FAM20C: variants seen among roughly 807,000 people sequenced by gnomAD.
The protein encoded by FAM20C is extracellular serine/threonine protein kinase FAM20C.
Under a neutral mutation model 51.5 loss-of-function variants are expected in FAM20C, and 40 were observed. The ratio of observed to expected loss-of-function variants is 0.78; its 90% CI spans 0.60 to 1.01. FAM20C has a LOEUF of 1.01. FAM20C is among the 50% of genes least tolerant of loss of function. FAM20C has a pLI of 0.00. For missense variants in FAM20C, 861 were observed against 844.7 expected, an observed-to-expected ratio of 1.02 and a Z score of -0.24; for synonymous variants, 406 against 380.6, an observed-to-expected ratio of 1.07 and a Z score of -0.78.
intron 3 of FAM20C, among the ~76,000 whole-genome samples, chr7:241,060 T>C (rs1034149535): frequency 7.0e-6 from 1 of 143,714 alleles, no homozygotes; most frequent in Non-Finnish European, 1.5e-5. Flanking sequence ...GGCCGGGGCT[T>C]ACGGGCTGGG....
chr7:217,560 G>A (rs966645298), intron 3 of FAM20C, among the ~76,000 whole-genome samples: 2 of 152,124 alleles, frequency 1.3e-5, no homozygotes, highest in African/African-American at 4.8e-5. Flanking sequence ...AGAATGCACT[G>A]GATGGCAGAC....
chr7:208,916 C>A lies in FAM20C; in HGVS notation c.803C>A (p.Thr268Lys). The A allele has an allele frequency of 1.9e-6, 3 of 1,579,486 alleles. No homozygotes were observed. Among genetic ancestry groups the A allele is most frequent in the Non-Finnish European group, 2.6e-6 (3 of 1,162,740 alleles). ...ITSVAMKSGGTQLKLIMTFQN... is the reference protein window; with the variant it reads ...ITSVAMKSGGKQLKLIMTFQN... ...CCTGCAGCCATGAAGTCGGGGGGCA[C>A]GCAGCTGAAGCTCATCATGACCTTC... The change falls in exon 3 of 10, where the codon ACG becomes AAG. Residue 268 changes from threonine to lysine, a missense_variant. Around this residue, in one of 3 missense-constraint regions of FAM20C, gnomAD observed 561 missense variants for 499.8 expected, o/e 1.12. Transcript: ENST00000313766.
intron 3 of FAM20C, among the ~76,000 whole-genome samples, chr7:232,366 G>C (rs55712931): frequency 0.082 from 12,490 of 152,264 alleles, 635 homozygotes; most frequent in Middle Eastern, 0.11. Flanking sequence ...GGGACATCCC[G>C]TGGCTCCACA....
At chr7:255,546 G>T (rs561569029) in intron 5 of FAM20C, among the ~76,000 whole-genome samples, 1 of 152,296 alleles carries the variant, frequency 6.6e-6, no homozygotes, top group Admixed American at 6.5e-5. Flanking sequence ...TTGACAATAT[G>T]AATGCATTTT....
rs753268141 is a variant in FAM20C, at chr7:193,522, A to G, written c.323A>G (p.Glu108Gly). The G allele has an allele frequency of 1.3e-6, 2 of 1,499,660 alleles. No individual in the cohort carries two copies. The highest frequency in any genetic ancestry group is 2.2e-5 in the Admixed American group (1 of 46,268). The allele number at this position is 1,499,660 out of a possible 1,614,324, so 92.9% of individuals were successfully genotyped here. Residue 108 changes from glutamate (E) to glycine (G), a missense_variant, in exon 1 of 10, where the codon GAG (glutamate) becomes GGG (glycine). Physicochemically the swap from Glu to Gly is moderately conservative, Grantham distance 98. This residue lies in a region of FAM20C where 561 missense variants were observed against 499.8 expected (regional missense o/e 1.12). Transcript: ENST00000313766. ...TCCAACCTCTCGTCCCACTCGCTGGAGAAACTGCCGCCCGCGGCCGAGCCG... is the reference window on the plus strand; with the variant it reads ...TCCAACCTCTCGTCCCACTCGCTGGGGAAACTGCCGCCCGCGGCCGAGCCG... ...PSSNLSSHSL[E>G]KLPPAAEPAE...
At chr7:205,467 C>T (rs905547619) in intron 2 of FAM20C, among the ~76,000 whole-genome samples, 2 of 152,118 alleles carry the variant, frequency 1.3e-5, no homozygotes, top group Non-Finnish European at 2.9e-5. Flanking sequence ...CTCAAACACT[C>T]GGCCTCGAGC....
intron 7 of FAM20C, 23 bp from the exon 8 acceptor site, chr7:256,982 A>T (rs1029686859): frequency 7.2e-6 from 11 of 1,536,648 alleles, no homozygotes; most frequent in African/African-American, 1.4e-5. Flanking sequence ...ACGAGCTGTG[A>T]CACTTTCTGC....
intron 3 of FAM20C, among the ~76,000 whole-genome samples, chr7:212,639 G>A (rs1396364596): frequency 6.6e-6 from 1 of 151,992 alleles, no homozygotes; most frequent in African/African-American, 2.4e-5. Flanking sequence ...AGCCTGGGGT[G>A]CTGCACAGCG....
intron 3 of FAM20C, among the ~76,000 whole-genome samples, chr7:218,096 G>A (rs62430299): frequency 0.057 from 8,614 of 152,266 alleles, 289 homozygotes; most frequent in Non-Finnish European, 0.086. Flanking sequence ...GCTGGCTCTC[G>A]AACTTCCCCG....
At chr7:230,003 A>C (rs1787595342) in intron 3 of FAM20C, among the ~76,000 whole-genome samples, 1 of 152,164 alleles carries the variant, frequency 6.6e-6, no homozygotes, top group African/African-American at 2.4e-5. Flanking sequence ...GGGATGGGGA[A>C]GGACCAGCTT....
intron 2 of FAM20C, among the ~76,000 whole-genome samples, chr7:202,243 A>C (rs1333014644): frequency 1.3e-5 from 2 of 151,706 alleles, no homozygotes; most frequent in African/African-American, 4.8e-5. Flanking sequence ...GCTTGTGGAC[A>C]TCTTCCCGTG....
intron 2 of FAM20C, among the ~76,000 whole-genome samples, chr7:198,688 G>A (rs1019396689): frequency 6.6e-6 from 1 of 152,214 alleles, no homozygotes; most frequent in East Asian, 1.9e-4. Flanking sequence ...GGTTGTTGGG[G>A]CTTAAATGTG....
chr7:206,311 C>A (rs1786374986), intron 2 of FAM20C, among the ~76,000 whole-genome samples: 1 of 152,250 alleles, frequency 6.6e-6, no homozygotes, highest in Non-Finnish European at 1.5e-5. Context: ...CCACCGTTGG[C>A]TCCAGGGCAG....
Position 258,906 on chromosome 7 carries a change from G to C in FAM20C, c.1505+201G>C, listed in dbSNP as rs145320286. ...AGACCTCACCCGCCCACCACCCCAG[G>C]CCCATCCAGCTCGAGCCCCCTCGGG... On this transcript the variant is annotated intron_variant, in intron 9 of 9. Coordinates refer to ENST00000313766, the MANE Select transcript of FAM20C (RefSeq NM_020223.4). Among the ~76,000 whole-genome samples, 8,093 of 152,194 alleles carry C rather than the reference G, an allele frequency of 0.053. 282 individuals carry two copies. The highest frequency in any genetic ancestry group is 0.081 in the Non-Finnish European group (5,485 of 68,000).
intron 3 of FAM20C, among the ~76,000 whole-genome samples, chr7:217,081 C>G (rs1787018034): frequency 6.6e-6 from 1 of 152,150 alleles, no homozygotes; most frequent in South Asian, 2.1e-4. Context: ...CCAGATGCCT[C>G]CTCTACCGAG....
At chr7:250,684 C>T (rs1788361954) in intron 5 of FAM20C, among the ~76,000 whole-genome samples, 1 of 152,210 alleles carries the variant, frequency 6.6e-6, no homozygotes, top group South Asian at 2.1e-4. Flanking sequence ...CACTGTCCAG[C>T]CACCGCCTCC....
chr7:237,649 G>A (rs1457821615), intron 3 of FAM20C, among the ~76,000 whole-genome samples: 2 of 152,236 alleles, frequency 1.3e-5, no homozygotes, highest in Non-Finnish European at 2.9e-5. Flanking sequence ...TAATGATGGT[G>A]GAGGTGATAC....
At chr7:207,944 G>A (rs947549180) in intron 2 of FAM20C, among the ~76,000 whole-genome samples, 1 of 152,234 alleles carries the variant, frequency 6.6e-6, no homozygotes, top group Non-Finnish European at 1.5e-5. Context: ...TGAGCCTCCT[G>A]GTGGCCAAAG....
intron 5 of FAM20C, among the ~76,000 whole-genome samples, chr7:252,874 C>T (rs147853189): frequency 6.6e-6 from 1 of 152,368 alleles, no homozygotes; most frequent in Non-Finnish European, 1.5e-5. Context: ...TCCCCTACTT[C>T]TCACGTAAGT....
Sources: gnomAD v4.1 joint callset for allele counts (sites outside exome capture counted in the v4.1 genomes callset) on GRCh38, gnomAD v4.1.1 for gene constraint, gnomAD v4.1.1 regional missense constraint, MANE v1.5 for transcripts, NCBI Gene and HGNC (gene_info 2026-07-23, HGNC 2026-07-21) for gene names.